The following FAM209B variants were observed in gnomAD, a reference collection of about 807,000 sequenced individuals.
FAM209B encodes protein FAM209B.
A neutral mutation model predicts 8.9 loss-of-function variants in FAM209B; 8 were observed. The observed-to-expected ratio is 0.90, with a 90% CI of 0.53 to 1.62. FAM209B has a LOEUF of 1.62. FAM209B is among the 40% of genes most tolerant of loss of function. The pLI, the probability that FAM209B is intolerant of heterozygous loss-of-function variation, is 0.00. For missense variants in FAM209B, 175 were observed against 205.3 expected, an observed-to-expected ratio of 0.85 and a Z score of 0.90; for synonymous variants, 67 against 75.0, an observed-to-expected ratio of 0.89 and a Z score of 0.55.
At chr20:56,533,964 T>C (rs1374364826) in intron 1 of FAM209B, among the ~76,000 whole-genome samples, 2 of 152,256 alleles carry the variant, frequency 1.3e-5, no homozygotes, top group African/African-American at 4.8e-5. Flanking sequence ...GAGAACAGCC[T>C]GGCCAACACG....
chr20:56,536,246 C>CA lies in FAM209B; in HGVS notation c.327dup (p.Asp110ArgfsTer11). On this transcript the variant is annotated frameshift_variant, in exon 2 of 2. Coordinates refer to ENST00000371325, the MANE Select transcript of FAM209B (RefSeq NM_001013646.4). LOFTEE classifies it low-confidence loss of function (END_TRUNC). ...AGAAAAATCAAAATGCTTCTCTTTA[C>CA]AAAGACTGTGTATTCAATACCTTAA... The CA allele has an allele frequency of 6.2e-7, 1 of 1,606,318 alleles. No individual in the cohort carries two copies. The highest frequency in any genetic ancestry group is 1.7e-4 in the Middle Eastern group (1 of 6,022).
In FAM209B at chr20:56,533,473, T is replaced by C. The variant is rs774333135; in HGVS notation, c.132T>C (p.Ile44=). 2 of 1,614,144 alleles carry C rather than the reference T, an allele frequency of 1.2e-6. No homozygotes were observed. The highest frequency in any genetic ancestry group is 1.7e-6 in the Non-Finnish European group (2 of 1,180,016). ...TGCCGTGTGGAGAGCACTTTCGGAT[T>C]CGGCAGAACCTACCAGAGCACACCC... ...GKVPCGEHFR[I]RQNLPEHTQG... is the part of the protein sequence containing the mutation. Residue 44 remains isoleucine (I), a synonymous_variant, in exon 1 of 2, where the codon ATT becomes ATC. Transcript: ENST00000371325.
chr20:56,533,329 A>G lies in FAM209B; in HGVS notation c.-13A>G. 1 of 1,613,022 alleles carries G rather than the reference A, an allele frequency of 6.2e-7. No homozygotes were observed. The highest frequency in any genetic ancestry group is 8.5e-7 in the Non-Finnish European group (1 of 1,179,194). The stretch of plus-strand genomic sequence containing the variant: ...CCCGTCATGAGCAACTCCCTTCCCC[A>G]TCTCTGCTCACCATGTGGACGCTGA... On this transcript the variant is annotated 5_prime_UTR_variant, in exon 1 of 2. Coordinates refer to ENST00000371325, the MANE Select transcript of FAM209B (RefSeq NM_001013646.4).
chr20:56,534,938 A>G (rs1180767231), intron 1 of FAM209B, among the ~76,000 whole-genome samples: 2 of 151,572 alleles, frequency 1.3e-5, no homozygotes, highest in East Asian at 3.9e-4. Context: ...AATCCCAGCT[A>G]CTCGGGAGGC....
At chr20:56,534,279 GAAATGATATCATCCCAACA>G (rs973134771) in intron 1 of FAM209B, among the ~76,000 whole-genome samples, 2 of 152,084 alleles carry the variant, frequency 1.3e-5, no homozygotes, top group Admixed American at 1.3e-4. Flanking sequence ...GAGCTAAATG[GAAATGATATCATCCCAACA>G]AAATATGAAA....
At chr20:56,534,205 G>A (rs1313083704) in intron 1 of FAM209B, among the ~76,000 whole-genome samples, 2 of 151,942 alleles carry the variant, frequency 1.3e-5, no homozygotes, top group African/African-American at 2.4e-5. Flanking sequence ...TTATTCACAG[G>A]GCCAAATTCA....
intron 1 of FAM209B, among the ~76,000 whole-genome samples, chr20:56,535,475 C>A (rs1324873957): frequency 6.6e-6 from 1 of 151,704 alleles, no homozygotes; most frequent in African/African-American, 2.4e-5. Context: ...CCTGTAATCC[C>A]AGCTACTCGG....
chr20:56,536,098 C>A (rs1985961274), intron 1 of FAM209B, 74 bp from the exon 2 acceptor site: 1 of 1,298,010 alleles, frequency 7.7e-7, no homozygotes, highest in Non-Finnish European at 1.0e-6. Context: ...CTTAAATGAG[C>A]CCAACTGTCT....
Position 56,536,336 on chromosome 20 carries a change from A to C in FAM209B, c.414A>C (p.Ala138=). The stretch of plus-strand genomic sequence containing the variant: ...TGCAGAATCTTAAAGGTGCCATGGC[A>C]ACAGGCAGTGGCAGTAACCTCAAGC... ...SEVQNLKGAM[A]TGSGSNLKLR... The change falls in exon 2 of 2, where the codon GCA becomes GCC. Residue 138 remains alanine, a synonymous_variant. Coordinates refer to ENST00000371325, the MANE Select transcript of FAM209B (RefSeq NM_001013646.4). 6.2e-7 allele frequency: 1 copy of C among 1,613,870 alleles called. No homozygotes were observed.
At chr20:56,535,278 G>T (rs1985931940) in intron 1 of FAM209B, among the ~76,000 whole-genome samples, 1 of 151,670 alleles carries the variant, frequency 6.6e-6, no homozygotes, top group Non-Finnish European at 1.5e-5. Flanking sequence ...CAGCTACTTG[G>T]GAGGCTGAGG....
chr20:56,534,521 C>T (rs1014957558), intron 1 of FAM209B, among the ~76,000 whole-genome samples: 3 of 151,924 alleles, frequency 2.0e-5, no homozygotes, highest in Middle Eastern at 3.4e-3. Context: ...GAGGCTGAGG[C>T]GGGTGAATCA....
chr20:56,536,240 T>C lies in FAM209B; in HGVS notation c.318T>C (p.Ser106=). The C allele has an allele frequency of 6.3e-7, 1 of 1,598,920 alleles. No individual in the cohort carries two copies. The highest frequency in any genetic ancestry group is 8.5e-7 in the Non-Finnish European group (1 of 1,172,458). ...RTPLKKNQNA[S]LYKDCVFNTL... is the part of the protein sequence containing the mutation. ...CACTAAAGAAAAATCAAAATGCTTC[T>C]CTTTACAAAGACTGTGTATTCAATA... Residue 106 remains serine (S), a synonymous_variant, in exon 2 of 2, where the codon TCT becomes TCC. Coordinates refer to ENST00000371325, the MANE Select transcript of FAM209B (RefSeq NM_001013646.4).
intron 1 of FAM209B, among the ~76,000 whole-genome samples, chr20:56,535,017 C>T (rs979940603): frequency 6.6e-6 from 1 of 150,552 alleles, no homozygotes; most frequent in Non-Finnish European, 1.5e-5. Context: ...CCATTGCCCT[C>T]CAGCCTGGGC....
At chr20:56,536,129 C>T (rs749405712) in intron 1 of FAM209B, 43 bp from the exon 2 acceptor site, 1 of 1,473,270 alleles carries the variant, frequency 6.8e-7, no homozygotes, top group African/African-American at 1.4e-5. Context: ...TCAAAACCAG[C>T]AAAGTCCATG....
chr20:56,535,854 G>A (rs1388641931), intron 1 of FAM209B, among the ~76,000 whole-genome samples: 1 of 152,174 alleles, frequency 6.6e-6, no homozygotes, highest in African/African-American at 2.4e-5. Flanking sequence ...GGAAGGATTG[G>A]CAAACTTTTT....
rs550279522 is a variant in FAM209B, at chr20:56,534,617, G to A, written c.249+1027G>A. Among the ~76,000 whole-genome samples, 453 of 151,276 alleles carry A rather than the reference G, an allele frequency of 3.0e-3. 1 individual carries two copies. Among genetic ancestry groups the A allele is most frequent in the African/African-American group, 0.01 (427 of 41,242 alleles). On this transcript the variant is annotated intron_variant, in intron 1 of 1. Coordinates refer to ENST00000371325, the MANE Select transcript of FAM209B (RefSeq NM_001013646.4). Reference sequence around the variant, plus strand: ...ACAAAACCTAGCTGGGCGTAGTGGCGGGCGCCTGTAATCCCAGCTACTCGG... The same window carrying A: ...ACAAAACCTAGCTGGGCGTAGTGGCAGGCGCCTGTAATCCCAGCTACTCGG...
rs768663138 is a variant in FAM209B, at chr20:56,536,229, C to A, written c.307C>A (p.Gln103Lys). ...FPFRTPLKKN[Q>K]NASLYKDCVF... ...ATTTCGCACTCCACTAAAGAAAAATCAAAATGCTTCTCTTTACAAAGACTG... is the reference window on the plus strand; with the variant it reads ...ATTTCGCACTCCACTAAAGAAAAATAAAAATGCTTCTCTTTACAAAGACTG... The change falls in exon 2 of 2, where the codon CAA becomes AAA. Residue 103 changes from glutamine (Q) to lysine (K), a missense_variant. Gln to Lys is a moderately conservative substitution (Grantham distance 53, BLOSUM62 1). Transcript: ENST00000371325. 16 of 1,593,116 alleles carry A rather than the reference C, an allele frequency of 1.0e-5. No individual in the cohort carries two copies. The Admixed American group carries it at 2.7e-4, about 26-fold the overall frequency.
In FAM209B at chr20:56,536,174, G is replaced by A; in HGVS notation, c.252G>A (p.Glu84=). The change falls in exon 2 of 2, where the codon GAG becomes GAA. Residue 84 remains glutamate (E), a splice_region_variant and synonymous_variant. Transcript: ENST00000371325. The part of the protein sequence containing the change: ...QCQRDSEKNK[E]QSPPGLRGFP... ...ACCTTGAATATCTTTCTTGACAGGA[G>A]CAGAGTCCTCCTGGCCTTCGAGGCT... 5 of 1,535,364 alleles carry A rather than the reference G, an allele frequency of 3.3e-6. No individual in the cohort carries two copies. Among genetic ancestry groups the A allele is most frequent in the Non-Finnish European group, 4.4e-6 (5 of 1,143,146 alleles).
Position 56,536,423 on chromosome 20 carries a change from A to G in FAM209B, c.501A>G (p.Glu167=). The change falls in exon 2 of 2, where the codon GAA becomes GAG. Residue 167 remains glutamate, a synonymous_variant. Transcript: ENST00000371325. The stretch of plus-strand genomic sequence containing the variant: ...TCACAATCTGTAAAATATGGGGAGA[A>G]GAAAGCTCTAGCTGAATGGATTTGT... ...YHVTICKIWG[E]ESSS The G allele has an allele frequency of 6.3e-7, 1 of 1,599,972 alleles. No homozygotes were observed. Among genetic ancestry groups the G allele is most frequent in the Non-Finnish European group, 8.5e-7 (1 of 1,173,468 alleles).
Sources: allele counts gnomAD v4.1 joint callset (sites outside exome capture counted in the v4.1 genomes callset), GRCh38; gene constraint gnomAD v4.1.1; transcripts MANE v1.5; gene names NCBI Gene and HGNC (gene_info 2026-07-23, HGNC 2026-07-21).